Variants in NEBL observed in about 807,000 individuals in gnomAD.
The protein encoded by NEBL is nebulette.
Under a neutral mutation model 140.2 loss-of-function variants are expected in NEBL, and 122 were observed. The observed-to-expected ratio is 0.87, with a 90% CI of 0.75 to 1.01. The LOEUF (loss-of-function observed/expected upper bound fraction) is 1.01. Among genes scored for constraint, NEBL ranks in the 50% least tolerant of loss-of-function variants. The pLI is 0.00. For missense variants in NEBL, 1,365 were observed against 1,231.3 expected, an observed-to-expected ratio of 1.11 and a Z score of -1.62; for synonymous variants, 436 against 398.9, an observed-to-expected ratio of 1.09 and a Z score of -1.11.
chr10:21,002,060 T>G (rs1355965860), intron 3 of NEBL, among the ~76,000 whole-genome samples: 2 of 152,174 alleles, frequency 1.3e-5, no homozygotes, highest in African/African-American at 2.4e-5. Context: ...CTTTTTCTTT[T>G]TCAGAGATGA....
chr10:20,844,651 T>A (rs1402739868), intron 12 of NEBL, among the ~76,000 whole-genome samples: 1 of 151,800 alleles, frequency 6.6e-6, no homozygotes, highest in Non-Finnish European at 1.5e-5. Flanking sequence ...TTGCAGAGAA[T>A]AAAATGAAAA....
chr10:20,999,578 A>T (rs113435169), intron 3 of NEBL, among the ~76,000 whole-genome samples: 11 of 152,344 alleles, frequency 7.2e-5, no homozygotes, highest in African/African-American at 2.6e-4. Flanking sequence ...CAGCATGGGC[A>T]ACAGAGTGAG....
At chr10:21,240,441 G>A (rs368773981) in intron 3 of NEBL, among the ~76,000 whole-genome samples, 19 of 152,124 alleles carry the variant, frequency 1.2e-4, no homozygotes, top group African/African-American at 4.3e-4. Context: ...TCAAGAGTTC[G>A]AGACCAGCCT....
At chr10:21,068,102 G>GA (rs1266219797) in intron 2 of NEBL, among the ~76,000 whole-genome samples, 4 of 152,152 alleles carry the variant, frequency 2.6e-5, no homozygotes, top group Admixed American at 2.6e-4. Context: ...TACTAGGTGG[G>GA]AAAAAAGGCT....
At chr10:21,278,055 A>G (rs1279993378) in intron 1 of NEBL, among the ~76,000 whole-genome samples, 3 of 152,212 alleles carry the variant, frequency 2.0e-5, no homozygotes, top group East Asian at 3.9e-4. Flanking sequence ...TATTACTACT[A>G]ACAACATGTG....
intron 1 of NEBL, among the ~76,000 whole-genome samples, chr10:21,291,860 C>G (rs1843148772): frequency 6.6e-6 from 1 of 152,168 alleles, no homozygotes; most frequent in South Asian, 2.1e-4. Flanking sequence ...GAGCTGAGAT[C>G]ACGCCACTGC....
At position 21,186,287 on chromosome 10, in the gene NEBL, C is replaced by CAT. The variant is rs1841470388; in HGVS notation, n.349-13811_349-13810insAT. Among the ~76,000 whole-genome samples, 5 of 151,732 alleles carry CAT rather than the reference C, an allele frequency of 3.3e-5. No individual in the cohort carries two copies. The South Asian group carries it at 1.0e-3, about 32-fold the overall frequency. On this transcript the variant is annotated intron_variant and non_coding_transcript_variant, in intron 3 of 8. Coordinates refer to the NEBL transcript ENST00000675702. ...ACACACACACACACACACACACACACACACACACACACATTCCCCCCCACC... is the reference window on the plus strand; with the variant it reads ...ACACACACACACACACACACACACACATACACACACACACATTCCCCCCCACC...
chr10:21,230,320 T>C (rs1290574963), intron 3 of NEBL, among the ~76,000 whole-genome samples: 1 of 152,162 alleles, frequency 6.6e-6, no homozygotes, highest in East Asian at 1.9e-4. Flanking sequence ...TCTAAAGGGC[T>C]AACAACACCT....
intron 2 of NEBL, among the ~76,000 whole-genome samples, chr10:21,047,633 C>A (rs1834580210): frequency 6.6e-6 from 1 of 151,802 alleles, no homozygotes. Flanking sequence ...AAGTACATAG[C>A]ATTGACCAAA....
chr10:20,931,088 A>C (rs1014543682), intron 4 of NEBL, among the ~76,000 whole-genome samples: 15 of 147,310 alleles, frequency 1.0e-4, no homozygotes, highest in African/African-American at 3.8e-4. Flanking sequence ...AGTCATTCAT[A>C]ATTTTCTCAA....
intron 2 of NEBL, among the ~76,000 whole-genome samples, chr10:21,075,533 G>T (rs570245406): frequency 1.3e-3 from 196 of 152,248 alleles, no homozygotes; most frequent in African/African-American, 4.6e-3. Context: ...GAGGTGACAG[G>T]GGTTGCTTTG....
rs1347830373 is a variant in NEBL at position 20,789,790 on chromosome 10, C to A, written c.2762-2482G>T. ...ATTGCTTGTATCTGGGAGGTCAAGGCTGCCATGTGATCTCACCACTACACT... is the reference window on the plus strand; with the variant it reads ...ATTGCTTGTATCTGGGAGGTCAAGGATGCCATGTGATCTCACCACTACACT... On this transcript the variant is annotated intron_variant, in intron 26 of 27. Coordinates refer to ENST00000377122, the MANE Select transcript of NEBL (RefSeq NM_006393.3). Among the ~76,000 whole-genome samples, 3 of 151,872 alleles carry A rather than the reference C, an allele frequency of 2.0e-5. No homozygotes were observed. In the East Asian group the frequency reaches 5.8e-4, roughly 29 times the overall value.
In NEBL at chr10:21,126,172, T is replaced by A. The variant is rs768922133; in HGVS notation, c.164+46211A>T. On this transcript the variant is annotated intron_variant, in intron 2 of 6. Coordinates refer to the NEBL transcript ENST00000417816. ...CGTTCTTCAAGCCTGGTACCCCCCA[T>A]AGAAAGGAAAAAAAATACCACATTT... is the stretch of plus-strand genomic sequence containing the variant. 35 of 1,551,070 alleles carry A rather than the reference T, an allele frequency of 2.3e-5. No homozygotes were observed. The Admixed American group carries it at 3.6e-4, about 16-fold the overall frequency.
intron 3 of NEBL, among the ~76,000 whole-genome samples, chr10:21,228,080 G>T (rs1464503151): frequency 6.6e-6 from 1 of 151,606 alleles, no homozygotes; most frequent in African/African-American, 2.4e-5. Flanking sequence ...TGGCTTACTT[G>T]AAGTTCAAAA....
At chr10:21,005,183 T>C (rs1054601520) in intron 3 of NEBL, among the ~76,000 whole-genome samples, 1 of 152,004 alleles carries the variant, frequency 6.6e-6, no homozygotes, top group African/African-American at 2.4e-5. Context: ...ACACACACAC[T>C]CACACCTTAG....
In NEBL at chr10:20,782,861, A is replaced by G. The variant is rs1835120051; in HGVS notation, c.*2886T>C. ...AGAATTATTAGTAAAAACATGTACT[A>G]CAAAAGCTTACAACAAAAGCAATAT... On this transcript the variant is annotated 3_prime_UTR_variant, in exon 28 of 28. Coordinates refer to ENST00000377122, the MANE Select transcript of NEBL (RefSeq NM_006393.3). 6.5e-6 allele frequency: 1 copy of G among 152,678 alleles called. No homozygotes were observed. Among genetic ancestry groups the G allele is most frequent in the African/African-American group, 2.4e-5 (1 of 41,464 alleles). 9.5% of individuals were successfully genotyped at this position (152,678 alleles called of 1,614,324 possible).
rs727503336 is a variant in NEBL at position 20,868,749 on chromosome 10, C to A, written c.599G>T (p.Gly200Val). The A allele has an allele frequency of 6.2e-7, 1 of 1,607,462 alleles. No homozygotes were observed. The highest frequency in any genetic ancestry group is 8.5e-7 in the Non-Finnish European group (1 of 1,174,366). ...KIISNAEYKKGQGIMNKEPAV... is the reference protein window; with the variant it reads ...KIISNAEYKKVQGIMNKEPAV... ...GGGCTCTTTATTCATTATTCCTTGTCCTTTCTTGTATTCTGCCTAAAATGA... is the reference window on the plus strand; with the variant it reads ...GGGCTCTTTATTCATTATTCCTTGTACTTTCTTGTATTCTGCCTAAAATGA... Residue 200 changes from glycine to valine, a missense_variant, in exon 7 of 28, where the codon GGA becomes GTA. Physicochemically the swap from Gly to Val is moderately radical, Grantham distance 109. Around this residue, in one of 2 missense-constraint regions of NEBL, gnomAD observed 1,323 missense variants for 1,154.8 expected, o/e 1.15. Coordinates refer to ENST00000377122, the MANE Select transcript of NEBL (RefSeq NM_006393.3).
intron 2 of NEBL, among the ~76,000 whole-genome samples, chr10:21,167,922 G>A (rs1189415291): frequency 2.0e-5 from 3 of 152,034 alleles, no homozygotes; most frequent in Admixed American, 1.3e-4. Flanking sequence ...AAACATAAAA[G>A]CTTATGAAAA....
intron 16 of NEBL, 141 bp from the exon 17 acceptor site, chr10:20,828,775 G>GAT (rs1840127430): frequency 7.8e-6 from 5 of 641,256 alleles, no homozygotes; most frequent in Non-Finnish European, 1.1e-5. Context: ...CAGAGAGAGA[G>GAT]AGAGAGAGGT....
Sources: allele counts gnomAD v4.1 joint callset (sites outside exome capture counted in the v4.1 genomes callset), GRCh38; gene constraint gnomAD v4.1.1; regional missense constraint gnomAD v4.1.1; transcripts MANE v1.5; gene names NCBI Gene and HGNC (gene_info 2026-07-23, HGNC 2026-07-21).